Variants in ZFAND3 observed in about 807,000 individuals in gnomAD.
ZFAND3 encodes AN1-type zinc finger protein 3.
In ZFAND3, 10 loss-of-function variants were observed where a neutral mutation model predicts 29.6. That is an observed-to-expected ratio of 0.34 (90% CI 0.21 to 0.57). The LOEUF (loss-of-function observed/expected upper bound fraction) is 0.57, where lower values mean the gene tolerates loss of function less well. ZFAND3 is among the 20% of genes least tolerant of loss of function. The pLI, the probability that ZFAND3 is intolerant of heterozygous loss-of-function variation, is 0.86. For missense variants in ZFAND3, 230 were observed against 304.5 expected (o/e 0.76, Z 1.82); for synonymous variants, 128 against 112.6 (o/e 1.14, Z -0.87).
At chr6:38,072,136 T>TTC (rs56193979) in intron 3 of ZFAND3, among the ~76,000 whole-genome samples, 148 of 131,626 alleles carry the variant, frequency 1.1e-3, no homozygotes, top group African/African-American at 3.0e-3. Flanking sequence ...CATTTTCTGT[T>TTC]TCTCTCTCTC....
chr6:37,992,374 C>T (rs1363736568), intron 2 of ZFAND3, among the ~76,000 whole-genome samples: 1 of 152,190 alleles, frequency 6.6e-6, no homozygotes, highest in African/African-American at 2.4e-5. Flanking sequence ...CACAATCATT[C>T]TTCTCCTCTA....
intron 5 of ZFAND3, among the ~76,000 whole-genome samples, chr6:38,124,473 C>G (rs1046444024): frequency 3.4e-4 from 52 of 152,254 alleles, no homozygotes; most frequent in African/African-American, 1.2e-3. Context: ...GGTCCTGAGC[C>G]CTGCCCTGCC....
At chr6:37,934,656 G>T (rs1761662956) in intron 2 of ZFAND3, among the ~76,000 whole-genome samples, 1 of 151,528 alleles carries the variant, frequency 6.6e-6, no homozygotes, top group Non-Finnish European at 1.5e-5. Flanking sequence ...AACCAACATG[G>T]TGAAACCCTG....
intron 1 of ZFAND3, among the ~76,000 whole-genome samples, chr6:37,869,704 G>T (rs1396751007): frequency 1.3e-4 from 19 of 151,018 alleles, no homozygotes; most frequent in Admixed American, 5.9e-4. Flanking sequence ...TAGAGTTGGG[G>T]GTCTCACTTT....
chr6:38,115,714 T>G (rs1436906575), intron 4 of ZFAND3, among the ~76,000 whole-genome samples: 1 of 152,212 alleles, frequency 6.6e-6, no homozygotes, highest in Non-Finnish European at 1.5e-5. Flanking sequence ...AGCAGCTGTT[T>G]CAGGAATACA....
rs570294189 is a variant in ZFAND3 at position 37,974,466 on chromosome 6, G to A, written c.112+44467G>A. 8.2e-5 allele frequency among the ~76,000 whole-genome samples: 12 copies of A among 146,906 alleles called. No individual in the cohort carries two copies. In the East Asian group the frequency reaches 1.0e-3, roughly 12 times the overall value. On this transcript the variant is annotated intron_variant, in intron 2 of 5. Transcript: ENST00000287218. ...GTTGTTCAGGCTGGAGGGCAGTAGC[G>A]TGATCACACCTCACTGCAGCCTCAA...
chr6:38,097,103 C>G (rs1764996347), intron 4 of ZFAND3, among the ~76,000 whole-genome samples: 1 of 152,038 alleles, frequency 6.6e-6, no homozygotes, highest in Non-Finnish European at 1.5e-5. Context: ...TTTTGAGAGT[C>G]TCACTCTATT....
chr6:38,090,238 A>C (rs1372027468), intron 4 of ZFAND3, among the ~76,000 whole-genome samples: 2 of 152,214 alleles, frequency 1.3e-5, no homozygotes, highest in Admixed American at 1.3e-4. Flanking sequence ...CTCTTCCCTC[A>C]GGTCTGCAGT....
intron 2 of ZFAND3, among the ~76,000 whole-genome samples, chr6:37,931,136 AG>A (rs1471594500): frequency 6.6e-6 from 1 of 152,212 alleles, no homozygotes; most frequent in Non-Finnish European, 1.5e-5. Flanking sequence ...ACATTTTTAA[AG>A]GAATGGCTTT....
chr6:37,829,615 C>G (rs1299212622), intron 1 of ZFAND3, among the ~76,000 whole-genome samples: 1 of 152,114 alleles, frequency 6.6e-6, no homozygotes, highest in East Asian at 1.9e-4. Flanking sequence ...CATGTAGAAA[C>G]TTTTAATTTT....
chr6:37,918,196 C>T (rs1761298306), intron 1 of ZFAND3, among the ~76,000 whole-genome samples: 1 of 152,132 alleles, frequency 6.6e-6, no homozygotes, highest in Non-Finnish European at 1.5e-5. Context: ...CTTGCCTCAG[C>T]CTCGCAAGTA....
chr6:38,018,916 G>A (rs1180787836), intron 2 of ZFAND3, among the ~76,000 whole-genome samples: 1 of 152,064 alleles, frequency 6.6e-6, no homozygotes, highest in Admixed American at 6.6e-5. Context: ...GTGTTTGAGA[G>A]TCCATTCTCC....
At chr6:37,898,902 T>C (rs1456680562) in intron 1 of ZFAND3, among the ~76,000 whole-genome samples, 1 of 151,950 alleles carries the variant, frequency 6.6e-6, no homozygotes, top group Non-Finnish European at 1.5e-5. Context: ...TCATTTCTTA[T>C]TTATTTATTT....
intron 1 of ZFAND3, among the ~76,000 whole-genome samples, chr6:37,860,655 T>TTTTTTTG (rs553527543): frequency 1.4e-5 from 2 of 144,494 alleles, no homozygotes; most frequent in East Asian, 4.2e-4. Flanking sequence ...TTTTTTTTTT[T>TTTTTTTG]TTAAGTAGGT....
intron 3 of ZFAND3, among the ~76,000 whole-genome samples, chr6:38,063,999 G>C (rs558925737): frequency 6.6e-6 from 1 of 152,170 alleles, no homozygotes; most frequent in South Asian, 2.1e-4. Flanking sequence ...TAAGGCAGTA[G>C]ATTTTGTTTT....
At chr6:37,892,002 T>TA (rs1459428633) in intron 1 of ZFAND3, among the ~76,000 whole-genome samples, 2 of 152,204 alleles carry the variant, frequency 1.3e-5, no homozygotes, top group African/African-American at 4.8e-5. Context: ...GTGCTGAGAT[T>TA]ACAGGCGTGA....
At chr6:38,094,689 T>A (rs2127475268) in intron 4 of ZFAND3, among the ~76,000 whole-genome samples, 1 of 152,332 alleles carries the variant, frequency 6.6e-6, no homozygotes, top group South Asian at 2.1e-4. Context: ...TTCAGCATCA[T>A]CTCTTAATGA....
chr6:37,877,383 T>G (rs1208825721), intron 1 of ZFAND3, among the ~76,000 whole-genome samples: 1 of 152,174 alleles, frequency 6.6e-6, no homozygotes, highest in Non-Finnish European at 1.5e-5. Flanking sequence ...TTTTTTAATT[T>G]TTCCCTGTAA....
At chr6:37,881,283 C>T (rs180693738) in intron 1 of ZFAND3, among the ~76,000 whole-genome samples, 3 of 152,090 alleles carry the variant, frequency 2.0e-5, no homozygotes, top group Admixed American at 6.5e-5. Context: ...ATGGGGTTTC[C>T]GTATGTTGAC....
Sources: allele counts gnomAD v4.1 joint callset (sites outside exome capture counted in the v4.1 genomes callset), GRCh38; gene constraint gnomAD v4.1.1; transcripts MANE v1.5; gene names NCBI Gene and HGNC (gene_info 2026-07-23, HGNC 2026-07-21).